The following TNNI3K variants were observed in gnomAD, a reference collection of about 807,000 sequenced individuals.
The protein encoded by TNNI3K is serine/threonine-protein kinase TNNI3K.
TNNI3K carries 140 observed loss-of-function variants against 114.5 expected under a neutral mutation model. That is an observed-to-expected ratio of 1.22 (90% CI 1.07 to 1.41). The LOEUF is 1.41. TNNI3K is among the 40% of genes most tolerant of loss of function. The probability of loss-of-function intolerance (pLI) is 0.00; values close to 1 mark genes in which losing one functional copy is unlikely to be tolerated. For missense variants in TNNI3K, 1,125 were observed against 1,007.6 expected (o/e 1.12, Z -1.58); for synonymous variants, 347 against 347.5 (o/e 1.00, Z 0.02).
chr1:74,446,623 T>C (rs1666698552), intron 20 of TNNI3K, among the ~76,000 whole-genome samples: 1 of 150,624 alleles, frequency 6.6e-6, no homozygotes, highest in South Asian at 2.1e-4. Context: ...CCCATGCCTA[T>C]GTCCTGAATG....
At chr1:74,373,526 G>C (rs531058708) in intron 17 of TNNI3K, 7 of 151,976 alleles carry the variant, frequency 4.6e-5, no homozygotes, top group South Asian at 2.1e-4. Context: ...CAGGGGCAGA[G>C]ACTGCTCTCT....
At chr1:74,417,330 C>T (rs532262283) in intron 17 of TNNI3K, among the ~76,000 whole-genome samples, 2 of 152,148 alleles carry the variant, frequency 1.3e-5, no homozygotes, top group African/African-American at 2.4e-5. Context: ...TGCTGCTTCC[C>T]GTCAGTGGCT....
At chr1:74,405,318 A>G (rs1664563321) in intron 17 of TNNI3K, among the ~76,000 whole-genome samples, 1 of 152,204 alleles carries the variant, frequency 6.6e-6, no homozygotes, top group African/African-American at 2.4e-5. Context: ...CATGAGGCTG[A>G]AGTATGTGCC....
At chr1:74,262,075 T>A (rs1655710665) in intron 4 of TNNI3K, among the ~76,000 whole-genome samples, 1 of 152,090 alleles carries the variant, frequency 6.6e-6, no homozygotes, top group Non-Finnish European at 1.5e-5. Context: ...TTTTCCTCCT[T>A]AGCACATATA....
At chr1:74,434,111 CTG>C (rs1666017967) in intron 17 of TNNI3K, among the ~76,000 whole-genome samples, 1 of 151,970 alleles carries the variant, frequency 6.6e-6, no homozygotes, top group Non-Finnish European at 1.5e-5. Flanking sequence ...AATAACCAGT[CTG>C]TGATTTCAGA....
chr1:74,375,334 C>T (rs910580304), intron 17 of TNNI3K: 3 of 204,316 alleles, frequency 1.5e-5, no homozygotes, highest in African/African-American at 6.9e-5. Flanking sequence ...GCCAAAATAA[C>T]TTTGGGAGGA....
intron 7 of TNNI3K, chr1:74,342,134 T>C (rs2100442717): frequency 6.6e-6 from 1 of 152,292 alleles, no homozygotes; most frequent in South Asian, 2.1e-4. Context: ...TAGAATGTGG[T>C]CTTGGCTTCT....
chr1:74,452,851 C>T (rs1331215526), intron 20 of TNNI3K, among the ~76,000 whole-genome samples: 5 of 152,170 alleles, frequency 3.3e-5, no homozygotes. Flanking sequence ...ACTTTCATAT[C>T]CCCAGCATGT....
intron 23 of TNNI3K, among the ~76,000 whole-genome samples, chr1:74,516,218 A>T (rs1228533345): frequency 1.3e-5 from 2 of 152,186 alleles, no homozygotes; most frequent in Non-Finnish European, 2.9e-5. Flanking sequence ...AGCCAGGAAA[A>T]AAAATTTTGA....
At chr1:74,252,360 A>G (rs1461670199) in intron 4 of TNNI3K, among the ~76,000 whole-genome samples, 2 of 152,246 alleles carry the variant, frequency 1.3e-5, no homozygotes, top group African/African-American at 4.8e-5. Flanking sequence ...CTTGGGAAAC[A>G]AAGCAGGCAA....
intron 20 of TNNI3K, among the ~76,000 whole-genome samples, chr1:74,457,690 C>A (rs549503239): frequency 6.6e-6 from 1 of 152,200 alleles, no homozygotes; most frequent in African/African-American, 2.4e-5. Flanking sequence ...TCTTTTTAAT[C>A]TTTTTAATGT....
At chr1:74,484,335 G>GC (rs556668140) in intron 21 of TNNI3K, among the ~76,000 whole-genome samples, 32 of 152,238 alleles carry the variant, frequency 2.1e-4, no homozygotes, top group Admixed American at 5.9e-4. Flanking sequence ...TGTTCAACAA[G>GC]CATTTGTAGA....
intron 20 of TNNI3K, among the ~76,000 whole-genome samples, chr1:74,463,226 G>C (rs1030583883): frequency 6.6e-6 from 1 of 152,076 alleles, no homozygotes; most frequent in African/African-American, 2.4e-5. Flanking sequence ...ACTATTTATT[G>C]AGTCTGAAAC....
At chr1:74,277,304 G>C (rs538779904) in intron 5 of TNNI3K, among the ~76,000 whole-genome samples, 1 of 152,176 alleles carries the variant, frequency 6.6e-6, no homozygotes, top group South Asian at 2.1e-4. Flanking sequence ...ACTCCAACCT[G>C]GGGATCTACC....
At chr1:74,302,424 C>G (rs1409210102) in intron 5 of TNNI3K, among the ~76,000 whole-genome samples, 1 of 152,112 alleles carries the variant, frequency 6.6e-6, no homozygotes, top group African/African-American at 2.4e-5. Flanking sequence ...AAATCAAAAG[C>G]TAGAATAATT....
intron 20 of TNNI3K, among the ~76,000 whole-genome samples, chr1:74,451,687 C>CTTTTCTTTTCTTTTCTTTTCTTTTCT (rs59304469): frequency 1.6e-3 from 44 of 26,746 alleles, no homozygotes; most frequent in African/African-American, 2.1e-3. Flanking sequence ...CTTTTCTTTT[C>CTTTTCTTTTCTTTTCTTTTCTTTTCT]TTTCTTTCTT....
chr1:74,499,443 T>C (rs1669496413), intron 23 of TNNI3K, among the ~76,000 whole-genome samples: 1 of 152,222 alleles, frequency 6.6e-6, no homozygotes, highest in African/African-American at 2.4e-5. Context: ...ACAATAACTT[T>C]TATTAAAGTA....
At chr1:74,357,208 AAAACTCTACTTGATGTAAG>A (rs1557518128) in intron 11 of TNNI3K, among the ~76,000 whole-genome samples, 1 of 152,152 alleles carries the variant, frequency 6.6e-6, no homozygotes, top group Non-Finnish European at 1.5e-5. Context: ...AGGAAGGACT[AAAACTCTACTTGATGTAAG>A]AATGGCCCCA....
intron 5 of TNNI3K, among the ~76,000 whole-genome samples, chr1:74,297,914 GAGT>G (rs1428678450): frequency 2.6e-5 from 4 of 152,110 alleles, no homozygotes; most frequent in Admixed American, 1.3e-4. Context: ...CTCAATTGGA[GAGT>G]TTCAAAGAAG....
Sources: allele counts gnomAD v4.1 joint callset (sites outside exome capture counted in the v4.1 genomes callset), GRCh38; gene constraint gnomAD v4.1.1; transcripts MANE v1.5; gene names NCBI Gene and HGNC (gene_info 2026-07-23, HGNC 2026-07-21).